CFAP221: variants seen among roughly 807,000 people sequenced by gnomAD.
The protein encoded by CFAP221 is cilia- and flagella-associated protein 221.
CFAP221 carries 97 observed loss-of-function variants against 113.1 expected under a neutral mutation model. That is an observed-to-expected ratio of 0.86 (90% CI 0.73 to 1.02). CFAP221 has a LOEUF of 1.02. CFAP221 is among the 50% of genes least tolerant of loss of function. The pLI is 0.00. For synonymous variants in CFAP221, 331 were observed against 354.4 expected (o/e 0.93, Z 0.74); for missense variants, 1,025 against 1,013.4 (o/e 1.01, Z -0.16).
At chr2:119,613,074 T>C (rs1407031566) in intron 13 of CFAP221, among the ~76,000 whole-genome samples, 5 of 152,226 alleles carry the variant, frequency 3.3e-5, no homozygotes, top group African/African-American at 9.6e-5. Flanking sequence ...CATTAAACCT[T>C]AAAGATCCAA....
intron 7 of CFAP221, among the ~76,000 whole-genome samples, chr2:119,596,373 C>T (rs1683976949): frequency 6.6e-6 from 1 of 152,180 alleles, no homozygotes; most frequent in African/African-American, 2.4e-5. Flanking sequence ...GGTGCTGTCT[C>T]CGCGATGTTA....
rs1345084698 is a variant in CFAP221 at position 119,546,290 on chromosome 2, AT to A, written c.139+23del. The A allele has an allele frequency of 2.7e-5, 41 of 1,531,626 alleles. No homozygotes were observed. In the African/African-American group the frequency reaches 3.7e-4, roughly 14 times the overall value. 94.9% of individuals were successfully genotyped at this position (1,531,626 alleles called of 1,614,324 possible). A position where few individuals can be genotyped will look rare whatever the true frequency, so the allele number is the denominator to read the frequency against. ...AATCAAGTAAGTGGCTAGAAGACAG[AT>A]TTGCTTTACAGCTCACATCTTCCCA... On this transcript the variant is annotated intron_variant, in intron 2 of 23. Transcript: ENST00000413369.
Position 119,604,897 on chromosome 2 carries a change from A to G in CFAP221, c.934A>G (p.Arg312Gly). ...KVKEIEYQNLRFPVDLSNPFA... is the reference protein window; with the variant it reads ...KVKEIEYQNLGFPVDLSNPFA... ...TTAGGAAATTGAGTACCAGAACCTCAGATTTCCAGTAGATTTATCGAATCC... is the reference window on the plus strand; with the variant it reads ...TTAGGAAATTGAGTACCAGAACCTCGGATTTCCAGTAGATTTATCGAATCC... Residue 312 changes from arginine (R) to glycine (G), a missense_variant, in exon 10 of 24, where the codon AGA becomes GGA. Physicochemically the swap from Arg to Gly is moderately radical, Grantham distance 125. Coordinates refer to ENST00000413369, the MANE Select transcript of CFAP221 (RefSeq NM_001271049.2). 2 of 1,614,172 alleles carry G rather than the reference A, an allele frequency of 1.2e-6. No individual in the cohort carries two copies. Among genetic ancestry groups the G allele is most frequent in the Non-Finnish European group, 1.7e-6 (2 of 1,180,004 alleles).
intron 13 of CFAP221, 111 bp downstream of exon 13, chr2:119,611,853 C>A (rs1218863067): frequency 2.4e-6 from 2 of 828,494 alleles, no homozygotes; most frequent in Admixed American, 2.8e-5. Context: ...ATATTTAATA[C>A]TTTTTAATTT....
chr2:119,564,114 T>C (rs1401414383), intron 6 of CFAP221, among the ~76,000 whole-genome samples: 1 of 152,222 alleles, frequency 6.6e-6, no homozygotes, highest in Non-Finnish European at 1.5e-5. Context: ...GACTGTAAGC[T>C]GCTGATGACC....
At chr2:119,549,431 T>C (rs537920483) in intron 3 of CFAP221, among the ~76,000 whole-genome samples, 49 of 152,338 alleles carry the variant, frequency 3.2e-4, no homozygotes, top group African/African-American at 1.2e-3. Context: ...GAGTGACTCA[T>C]AGGGGCCAGA....
At chr2:119,624,586 C>T (rs1338637941) in intron 14 of CFAP221, among the ~76,000 whole-genome samples, 2 of 152,188 alleles carry the variant, frequency 1.3e-5, no homozygotes, top group African/African-American at 4.8e-5. Context: ...TTTATTGCAG[C>T]ACTATTCACA....
intron 6 of CFAP221, among the ~76,000 whole-genome samples, chr2:119,579,186 A>G (rs561141201): frequency 6.6e-6 from 1 of 152,208 alleles, no homozygotes; most frequent in South Asian, 2.1e-4. Flanking sequence ...GTTACTTCCA[A>G]AAGCACTAAC....
chr2:119,623,871 A>G (rs1160010071), intron 14 of CFAP221, among the ~76,000 whole-genome samples: 1 of 152,252 alleles, frequency 6.6e-6, no homozygotes, highest in Non-Finnish European at 1.5e-5. Flanking sequence ...AATTAACTCA[A>G]GATGGATTAA....
At chr2:119,569,887 A>G (rs1681922217) in intron 6 of CFAP221, among the ~76,000 whole-genome samples, 1 of 151,870 alleles carries the variant, frequency 6.6e-6, no homozygotes, top group African/African-American at 2.4e-5. Flanking sequence ...TACACTTCCC[A>G]TTTTTTCTTG....
intron 12 of CFAP221, among the ~76,000 whole-genome samples, chr2:119,611,208 A>G (rs1021627481): frequency 6.6e-6 from 1 of 152,162 alleles, no homozygotes; most frequent in Non-Finnish European, 1.5e-5. Flanking sequence ...TGAAATTTGT[A>G]TAGTCCCATA....
At chr2:119,612,505 TG>T (rs1424996275) in intron 13 of CFAP221, among the ~76,000 whole-genome samples, 1 of 152,110 alleles carries the variant, frequency 6.6e-6, no homozygotes, top group African/African-American at 2.4e-5. Flanking sequence ...GAGAACAGGA[TG>T]GGGGAAACTG....
At chr2:119,576,329 A>T (rs2104584050) in intron 6 of CFAP221, among the ~76,000 whole-genome samples, 1 of 152,224 alleles carries the variant, frequency 6.6e-6, no homozygotes, top group Admixed American at 6.5e-5. Flanking sequence ...GCCAGTAGTT[A>T]CTTTTCCTGC....
chr2:119,558,194 T>C (rs1680961005), intron 3 of CFAP221, among the ~76,000 whole-genome samples: 1 of 152,086 alleles, frequency 6.6e-6, no homozygotes, highest in South Asian at 2.1e-4. Context: ...GGGACAAAGC[T>C]CTTTGTTAAG....
intron 14 of CFAP221, among the ~76,000 whole-genome samples, chr2:119,619,674 C>T (rs1055438046): frequency 6.6e-6 from 1 of 152,110 alleles, no homozygotes; most frequent in Admixed American, 6.5e-5. Context: ...AACCAGAATA[C>T]CTCCTCTCCT....
intron 1 of CFAP221, among the ~76,000 whole-genome samples, chr2:119,545,729 C>A (rs1680004698): frequency 6.6e-6 from 1 of 152,204 alleles, no homozygotes; most frequent in South Asian, 2.1e-4. Flanking sequence ...TCTTATTTAA[C>A]TGTTTACATC....
chr2:119,627,463 AT>A (rs997092631), intron 15 of CFAP221, among the ~76,000 whole-genome samples, 189 bp from the exon 16 acceptor site: 1 of 151,762 alleles, frequency 6.6e-6, no homozygotes, highest in Non-Finnish European at 1.5e-5. Flanking sequence ...TAAAGATAAA[AT>A]TTTTTTAACC....
chr2:119,565,660 T>A (rs544413473), intron 6 of CFAP221, among the ~76,000 whole-genome samples: 6 of 152,314 alleles, frequency 3.9e-5, no homozygotes, highest in Admixed American at 1.3e-4. Context: ...GTGATATTTT[T>A]AAAAAATCTT....
chr2:119,628,200 G>T lies in CFAP221; in HGVS notation c.1650+414G>T, dbSNP rs145317781. On this transcript the variant is annotated intron_variant, in intron 16 of 23. Transcript: ENST00000413369. ...CAGGGAAGGGCAGCCCTCAAGTCTG[G>T]GCCTGACCTCATAAGAAGGGAATGT... is the stretch of plus-strand genomic sequence containing the variant. 5.1e-4 allele frequency among the ~76,000 whole-genome samples: 78 copies of T among 151,934 alleles called. 2 individuals are homozygous for T. In the East Asian group the frequency reaches 0.011, roughly 22 times the overall value.
Sources: gnomAD v4.1 joint callset for allele counts (sites outside exome capture counted in the v4.1 genomes callset) on GRCh38, gnomAD v4.1.1 for gene constraint, MANE v1.5 for transcripts, NCBI Gene and HGNC (gene_info 2026-07-23, HGNC 2026-07-21) for gene names.